The following SLC38A6 variants were observed in gnomAD, a reference collection of about 807,000 sequenced individuals.
SLC38A6 encodes N system amino acid transporter NAT-1.
In SLC38A6, 73 loss-of-function variants were observed where a neutral mutation model predicts 65.0. That is an observed-to-expected ratio of 1.12 (90% CI 0.93 to 1.37). The LOEUF is 1.37. Ranked by LOEUF, SLC38A6 falls within the 40% of genes most tolerant of loss-of-function variation. The pLI is 0.00. For synonymous variants in SLC38A6, 183 were observed against 178.8 expected (o/e 1.02, Z -0.19); for missense variants, 561 against 531.1 (o/e 1.06, Z -0.55).
At chr14:61,046,001 G>C in intron 11 of SLC38A6, 66 bp from the exon 12 acceptor site, 1 of 940,196 alleles carries the variant, frequency 1.1e-6, no homozygotes, top group South Asian at 1.5e-5. Flanking sequence ...ACCAGCTTAG[G>C]ACATACTTGT....
chr14:61,064,182 C>T (rs552837891), intron 15 of SLC38A6, among the ~76,000 whole-genome samples: 15 of 152,306 alleles, frequency 9.8e-5, no homozygotes, highest in African/African-American at 3.4e-4. Flanking sequence ...TTAGAATGGT[C>T]CCAGGCCACA....
At chr14:61,021,242 T>C (rs1426888780) in intron 5 of SLC38A6, among the ~76,000 whole-genome samples, 1 of 152,144 alleles carries the variant, frequency 6.6e-6, no homozygotes, top group Non-Finnish European at 1.5e-5. Context: ...ATAATCTCTT[T>C]CTAAGTACCT....
rs531764607 is a variant in SLC38A6 at position 61,074,803 on chromosome 14, G to C, written c.1291-4007G>C. On this transcript the variant is annotated intron_variant, in intron 15 of 16. Transcript: ENST00000354886. ...GGATAAGAAGCTGCTTGATGCAGCTGTCACCAGAACTTCTCTTAGTAAGGG... is the reference window on the plus strand; with the variant it reads ...GGATAAGAAGCTGCTTGATGCAGCTCTCACCAGAACTTCTCTTAGTAAGGG... 8.0e-5 allele frequency among the ~76,000 whole-genome samples: 12 copies of C among 149,336 alleles called. No individual in the cohort carries two copies. In the South Asian group the frequency reaches 2.3e-3, roughly 29 times the overall value.
chr14:61,045,106 G>A (rs2042055230), intron 10 of SLC38A6, among the ~76,000 whole-genome samples: 1 of 151,922 alleles, frequency 6.6e-6, no homozygotes, highest in Admixed American at 6.6e-5. Flanking sequence ...GCATGGTATG[G>A]GCAGCCAAAT....
At chr14:60,982,982 C>T (rs2037175919) in intron 2 of SLC38A6, among the ~76,000 whole-genome samples, 1 of 152,150 alleles carries the variant, frequency 6.6e-6, no homozygotes, top group South Asian at 2.1e-4. Flanking sequence ...TTTGTGAGTG[C>T]AAATACAACA....
intron 3 of SLC38A6, among the ~76,000 whole-genome samples, chr14:60,998,907 C>T (rs911914223): frequency 1.3e-5 from 2 of 152,182 alleles, no homozygotes; most frequent in Non-Finnish European, 2.9e-5. Flanking sequence ...TTCAACTTTC[C>T]CTTAGTTGGA....
intron 3 of SLC38A6, among the ~76,000 whole-genome samples, chr14:61,003,282 T>TAAAA (rs1241358145): frequency 6.6e-6 from 1 of 152,164 alleles, no homozygotes; most frequent in Non-Finnish European, 1.5e-5. Context: ...TCTTTTTATG[T>TAAAA]ATTTTTTTCA....
chr14:61,036,958 C>G, intron 6 of SLC38A6, 101 bp from the exon 7 acceptor site: 1 of 378,004 alleles, frequency 2.6e-6, no homozygotes, highest in Non-Finnish European at 4.7e-6. Context: ...ATGGTTATAA[C>G]TCTGTGTGTG....
At chr14:61,004,991 G>A (rs1314205120) in intron 3 of SLC38A6, among the ~76,000 whole-genome samples, 1 of 151,964 alleles carries the variant, frequency 6.6e-6, no homozygotes, top group African/African-American at 2.4e-5. Context: ...TATCCACCAT[G>A]ATCAAGTGGG....
chr14:60,985,128 T>C (rs2037362927), intron 3 of SLC38A6, among the ~76,000 whole-genome samples: 1 of 152,198 alleles, frequency 6.6e-6, no homozygotes, highest in Admixed American at 6.5e-5. Flanking sequence ...GAAATCATTT[T>C]CTCAAGGAGA....
intron 5 of SLC38A6, among the ~76,000 whole-genome samples, chr14:61,021,050 G>T (rs1185651611): frequency 6.6e-6 from 1 of 151,972 alleles, no homozygotes; most frequent in Non-Finnish European, 1.5e-5. Flanking sequence ...ATTGGAGATG[G>T]CTATACTGTA....
chr14:61,020,467 T>C lies in SLC38A6; in HGVS notation c.403+887T>C, dbSNP rs2040286214. Among the ~76,000 whole-genome samples, 2 of 152,170 alleles carry C rather than the reference T, an allele frequency of 1.3e-5. 1 individual carries two copies. The highest frequency in any genetic ancestry group is 2.9e-5 in the Non-Finnish European group (2 of 67,978). On this transcript the variant is annotated intron_variant, in intron 5 of 15. Transcript: ENST00000267488. ...TCTCATAATCAAGAGGTCTGAGCTA[T>C]ATCACTTTAAGTATTGTTCAATCAA... is the stretch of plus-strand genomic sequence containing the variant.
intron 1 of SLC38A6, chr14:60,981,704 G>A (rs1236329438): frequency 7.5e-7 from 1 of 1,336,244 alleles, no homozygotes; most frequent in South Asian, 1.2e-5. Context: ...TAGTATTTTT[G>A]TCACCTTATT....
chr14:61,045,907 T>A (rs1475001738), intron 11 of SLC38A6, among the ~76,000 whole-genome samples, 160 bp from the exon 12 acceptor site: 1 of 150,308 alleles, frequency 6.7e-6, no homozygotes, highest in Non-Finnish European at 1.5e-5. Flanking sequence ...AAGGAAGAAG[T>A]GTAATCTTTG....
At chr14:61,076,380 G>A (rs1221700192) in intron 15 of SLC38A6, among the ~76,000 whole-genome samples, 3 of 152,228 alleles carry the variant, frequency 2.0e-5, no homozygotes, top group Non-Finnish European at 4.4e-5. Context: ...GCACTTCGGT[G>A]TATAGACCAG....
intron 8 of SLC38A6, among the ~76,000 whole-genome samples, chr14:61,041,226 C>G (rs2041792076): frequency 6.6e-6 from 1 of 152,152 alleles, no homozygotes; most frequent in Non-Finnish European, 1.5e-5. Flanking sequence ...TCCTGTTAAT[C>G]TTTCCTCTCT....
At chr14:60,986,312 G>A (rs528174048) in intron 3 of SLC38A6, among the ~76,000 whole-genome samples, 46 of 152,348 alleles carry the variant, frequency 3.0e-4, no homozygotes, top group Non-Finnish European at 5.7e-4. Context: ...TCTGAGGTGA[G>A]ACTCAAGAAT....
chr14:61,041,859 T>C (rs2041837306), intron 8 of SLC38A6, among the ~76,000 whole-genome samples: 1 of 151,978 alleles, frequency 6.6e-6, no homozygotes, highest in Non-Finnish European at 1.5e-5. Context: ...GAGATTGTGT[T>C]ACTGCACTCC....
intron 12 of SLC38A6, among the ~76,000 whole-genome samples, chr14:61,047,126 C>A (rs968317408): frequency 6.6e-6 from 1 of 152,020 alleles, no homozygotes; most frequent in African/African-American, 2.4e-5. Flanking sequence ...GGCACAAACA[C>A]TATTATATTT....
Sources: gnomAD v4.1 joint callset for allele counts (sites outside exome capture counted in the v4.1 genomes callset) on GRCh38, gnomAD v4.1.1 for gene constraint, MANE v1.5 for transcripts, NCBI Gene and HGNC (gene_info 2026-07-23, HGNC 2026-07-21) for gene names.